Variants in OGDH observed in about 807,000 individuals in gnomAD.
The protein encoded by OGDH is oxoglutarate dehydrogenase, also known as 2-oxoglutarate dehydrogenase complex component E1.
A neutral mutation model predicts 116.6 loss-of-function variants in OGDH; 38 were observed. That is an observed-to-expected ratio of 0.33 (90% CI 0.25 to 0.43). The LOEUF (loss-of-function observed/expected upper bound fraction) is 0.43. Among genes scored for constraint, OGDH ranks in the 20% least tolerant of loss-of-function variants. The pLI is 1.00. For missense variants in OGDH, 825 were observed against 1,357.2 expected (o/e 0.61, Z 6.16); for synonymous variants, 488 against 533.3 (o/e 0.92, Z 1.17).
intron 5 of OGDH, among the ~76,000 whole-genome samples, chr7:44,669,324 G>A (rs1787327852): frequency 2.0e-5 from 3 of 151,608 alleles, no homozygotes; most frequent in African/African-American, 7.3e-5. Context: ...GCTAATTTTT[G>A]TATTTTTTAT....
Position 44,697,089 on chromosome 7 carries a change from G to T in OGDH, c.2051+25G>T, listed in dbSNP as rs1239260291. On this transcript the variant is annotated intron_variant, in intron 15 of 22. Coordinates refer to ENST00000222673, the MANE Select transcript of OGDH (RefSeq NM_002541.4). The surrounding 1 kb of genome is among the most constrained non-coding windows in gnomAD (Gnocchi z 6.0). ...GGTAACGTTCTGGGCAGTTTTGTTT[G>T]CCCTCCAAAGAGTAGAAGATGGAAA... 2 of 1,602,436 alleles carry T rather than the reference G, an allele frequency of 1.2e-6. No homozygotes were observed. The highest frequency in any genetic ancestry group is 3.4e-5 in the Admixed American group (2 of 59,554).
chr7:44,696,472 C>T lies in OGDH; in HGVS notation c.1815C>T (p.Pro605=), dbSNP rs993299074. ...LDGQPRSMSC[P]STGLTEDILT... ...GGCAGCCCAGGAGCATGTCCTGCCC[C>T]TCCACGGGTCTGACGGAGGATATTC... The change falls in exon 14 of 23, where the codon CCC becomes CCT. Residue 605 remains proline, a synonymous_variant. Transcript: ENST00000222673. 4.3e-6 allele frequency: 7 copies of T among 1,614,120 alleles called. No individual in the cohort carries two copies. The highest frequency in any genetic ancestry group is 5.9e-6 in the Non-Finnish European group (7 of 1,180,054).
chr7:44,655,302 C>G (rs917665075), intron 4 of OGDH, among the ~76,000 whole-genome samples: 1 of 152,120 alleles, frequency 6.6e-6, no homozygotes. Flanking sequence ...AGCAAAATAT[C>G]GACATTTAGA....
At chr7:44,626,758 C>T (rs1233631434) in intron 2 of OGDH, among the ~76,000 whole-genome samples, 1 of 152,122 alleles carries the variant, frequency 6.6e-6, no homozygotes, top group African/African-American at 2.4e-5. Flanking sequence ...ATGCCTGTTT[C>T]TGTTGCTGGG....
chr7:44,617,041 C>T (rs1784833956), intron 1 of OGDH, among the ~76,000 whole-genome samples: 1 of 148,930 alleles, frequency 6.7e-6, no homozygotes, highest in Admixed American at 6.7e-5. Context: ...AAGCAATTCT[C>T]CTGCCTCAGC....
intron 1 of OGDH, among the ~76,000 whole-genome samples, chr7:44,611,569 C>G (rs1784569196): frequency 6.6e-6 from 1 of 152,024 alleles, no homozygotes; most frequent in African/African-American, 2.4e-5. Context: ...AGCCACCGTG[C>G]CTGGCCTAAT....
intron 1 of OGDH, among the ~76,000 whole-genome samples, chr7:44,608,974 A>G (rs1784460070): frequency 6.6e-6 from 1 of 152,200 alleles, no homozygotes; most frequent in Non-Finnish European, 1.5e-5. Context: ...ATAAAATTCA[A>G]GATACAGAAT....
chr7:44,633,252 CAAAAAAAAAA>C (rs1163808681), intron 2 of OGDH, among the ~76,000 whole-genome samples: 13 of 81,690 alleles, frequency 1.6e-4, no homozygotes, highest in East Asian at 3.2e-4. Flanking sequence ...GACTCTGTGT[CAAAAAAAAAA>C]AAAAAAAAAA....
At position 44,681,858 on chromosome 7, in the gene OGDH, A is replaced by G; in HGVS notation, c.1335+10A>G. 6.2e-7 allele frequency: 1 copy of G among 1,613,994 alleles called. No individual in the cohort carries two copies. Among genetic ancestry groups the G allele is most frequent in the Non-Finnish European group, 8.5e-7 (1 of 1,179,922 alleles). On this transcript the variant is annotated intron_variant, in intron 10 of 22. Coordinates refer to ENST00000222673, the MANE Select transcript of OGDH (RefSeq NM_002541.4). ...GGTCGTCAACAACCAGGTACCTCAC[A>G]CCAGCCTGCGGCTTTGCTGCTCACA...
intron 1 of OGDH, among the ~76,000 whole-genome samples, chr7:44,613,552 G>C (rs1784649398): frequency 6.6e-6 from 1 of 151,656 alleles, no homozygotes; most frequent in South Asian, 2.1e-4. Context: ...GTAGAGATGG[G>C]GTTTCACCGT....
At chr7:44,648,880 G>T (rs115370201) in intron 4 of OGDH, among the ~76,000 whole-genome samples, 131 of 152,256 alleles carry the variant, frequency 8.6e-4, no homozygotes, top group Middle Eastern at 6.8e-3. Flanking sequence ...GGCATGAGTT[G>T]AACCCTGCTT....
intron 10 of OGDH, among the ~76,000 whole-genome samples, chr7:44,693,306 CAA>C (rs761078863): frequency 5.0e-5 from 6 of 119,560 alleles, no homozygotes; most frequent in African/African-American, 6.1e-5. Flanking sequence ...GACTTCGTCT[CAA>C]AAAAAAAAAA....
chr7:44,619,262 T>G (rs1562613487), intron 1 of OGDH, among the ~76,000 whole-genome samples: 1 of 152,194 alleles, frequency 6.6e-6, no homozygotes. Flanking sequence ...ATCTCCAGTT[T>G]CTAGCTGGTT....
At chr7:44,632,829 A>G (rs1158347005) in intron 2 of OGDH, among the ~76,000 whole-genome samples, 1 of 151,830 alleles carries the variant, frequency 6.6e-6, no homozygotes, top group Non-Finnish European at 1.5e-5. Flanking sequence ...CATGTTAGCC[A>G]GGATGGTCTC....
intron 1 of OGDH, among the ~76,000 whole-genome samples, chr7:44,609,741 G>A (rs574893724): frequency 5.3e-5 from 8 of 152,248 alleles, no homozygotes; most frequent in African/African-American, 1.4e-4. Flanking sequence ...GTCGTAGTGC[G>A]TGCTTAGTTA....
Position 44,641,517 on chromosome 7 carries a change from C to T in OGDH, c.223-3810C>T, listed in dbSNP as rs193298017. 3.3e-5 allele frequency among the ~76,000 whole-genome samples: 5 copies of T among 152,294 alleles called. No individual in the cohort carries two copies. In the East Asian group the frequency reaches 7.7e-4, roughly 23 times the overall value. ...CTGGGATTACAGGCATGAGCCACTG[C>T]GCCTGGCCTGATTAGGTTTTACGTG... On this transcript the variant is annotated intron_variant, in intron 2 of 22. Transcript: ENST00000222673.
rs924182284 is a variant in OGDH, at chr7:44,703,880, C to T, written c.2632+2265C>T. On this transcript the variant is annotated intron_variant, in intron 20 of 22. Coordinates refer to ENST00000222673, the MANE Select transcript of OGDH (RefSeq NM_002541.4). ...AGCCTGGACAACAAGAGCGAAACTCCGTCTCAAAAAAAAAAAAAGACTGAA... is the reference window on the plus strand; with the variant it reads ...AGCCTGGACAACAAGAGCGAAACTCTGTCTCAAAAAAAAAAAAAGACTGAA... Among the ~76,000 whole-genome samples, 10 of 150,136 alleles carry T rather than the reference C, an allele frequency of 6.7e-5. No individual in the cohort carries two copies. In the South Asian group the frequency reaches 1.0e-3, roughly 16 times the overall value.
Position 44,673,654 on chromosome 7 carries a change from C to T in OGDH, c.634-133C>T, listed in dbSNP as rs536086734. The T allele has an allele frequency of 1.4e-5, 12 of 860,822 alleles. No individual in the cohort carries two copies. The East Asian group carries it at 2.7e-4, about 19-fold the overall frequency. The allele number at this position is 860,822 out of a possible 1,614,324, so 53.3% of individuals were successfully genotyped here. ...ACCCACTCCATCCCATCCTCAGTCA[C>T]ACTTGATTGGAGTACATTTCAGAAC... On this transcript the variant is annotated intron_variant, in intron 5 of 22. Coordinates refer to ENST00000222673, the MANE Select transcript of OGDH (RefSeq NM_002541.4).
chr7:44,702,303 CAGCCCCA>C (rs1788868586), intron 20 of OGDH, among the ~76,000 whole-genome samples: 1 of 152,234 alleles, frequency 6.6e-6, no homozygotes, highest in African/African-American at 2.4e-5. Context: ...CTCAGAGGCC[CAGCCCCA>C]AAGCAAGCCC....
Sources: gnomAD v4.1 joint callset for allele counts (sites outside exome capture counted in the v4.1 genomes callset) on GRCh38, gnomAD v4.1.1 for gene constraint, Gnocchi (gnomAD v3.1) non-coding constraint, MANE v1.5 for transcripts, NCBI Gene and HGNC (gene_info 2026-07-23, HGNC 2026-07-21) for gene names.